CNTLN: variants seen among roughly 807,000 people sequenced by gnomAD.
CNTLN encodes the protein centlein, centrosomal protein.
Under a neutral mutation model 180.0 loss-of-function variants are expected in CNTLN, and 212 were observed. The observed-to-expected ratio is 1.18, with a 90% CI of 1.05 to 1.32. The LOEUF is 1.32. Among genes scored for constraint, CNTLN ranks in the 40% most tolerant of loss-of-function variants. The pLI is 0.00. For synonymous variants in CNTLN, 722 were observed against 563.1 expected, an observed-to-expected ratio of 1.28 and a Z score of -3.99; for missense variants, 2,095 against 1,610.9, an observed-to-expected ratio of 1.30 and a Z score of -5.14.
At chr9:17,182,036 A>G (rs910027849) in intron 2 of CNTLN, among the ~76,000 whole-genome samples, 1 of 152,086 alleles carries the variant, frequency 6.6e-6, no homozygotes, top group Non-Finnish European at 1.5e-5. Context: ...CTGGCTCTCC[A>G]CTTGTCCTTC....
At chr9:17,222,633 C>G (rs1356460284) in intron 2 of CNTLN, among the ~76,000 whole-genome samples, 2 of 152,014 alleles carry the variant, frequency 1.3e-5, no homozygotes, top group Non-Finnish European at 2.9e-5. Context: ...ACTGTAAGTC[C>G]AAGTAAACCT....
chr9:17,497,481 C>G (rs1419798816), intron 25 of CNTLN, among the ~76,000 whole-genome samples: 2 of 152,192 alleles, frequency 1.3e-5, no homozygotes, highest in Non-Finnish European at 2.9e-5. Context: ...TACCAAGCAT[C>G]TCCCCAACCC....
chr9:17,175,072 T>C (rs943100396), intron 2 of CNTLN, among the ~76,000 whole-genome samples: 2 of 152,214 alleles, frequency 1.3e-5, no homozygotes, highest in Non-Finnish European at 2.9e-5. Flanking sequence ...TTTGCAAATA[T>C]TGTCTCCCAG....
chr9:17,222,073 A>T (rs958531085), intron 2 of CNTLN, among the ~76,000 whole-genome samples: 6 of 152,014 alleles, frequency 3.9e-5, no homozygotes, highest in Admixed American at 3.9e-4. Context: ...GCCCTGGATC[A>T]TTCCTGTCAG....
At chr9:17,300,494 G>C (rs1222918073) in intron 7 of CNTLN, 2 of 152,196 alleles carry the variant, frequency 1.3e-5, no homozygotes, top group African/African-American at 2.4e-5. Context: ...TACAGGTGCA[G>C]AATTCGACTA....
intron 23 of CNTLN, among the ~76,000 whole-genome samples, chr9:17,480,934 G>A (rs900380968): frequency 6.6e-5 from 10 of 152,166 alleles, no homozygotes; most frequent in African/African-American, 2.4e-4. Flanking sequence ...TAAGCTATGT[G>A]TGTAATACAC....
At chr9:17,312,745 T>C (rs1236174948) in intron 8 of CNTLN, among the ~76,000 whole-genome samples, 1 of 151,996 alleles carries the variant, frequency 6.6e-6, no homozygotes, top group Non-Finnish European at 1.5e-5. Flanking sequence ...GCCAAGCATA[T>C]TGTTTTGGTG....
chr9:17,327,223 T>TG (rs1356691844), intron 8 of CNTLN, among the ~76,000 whole-genome samples: 1 of 149,104 alleles, frequency 6.7e-6, no homozygotes, highest in African/African-American at 2.5e-5. Context: ...CTTTTTTTTT[T>TG]TTTTTTTTGA....
At chr9:17,324,513 C>T (rs564428673) in intron 8 of CNTLN, among the ~76,000 whole-genome samples, 2 of 152,042 alleles carry the variant, frequency 1.3e-5, no homozygotes, top group Non-Finnish European at 2.9e-5. Flanking sequence ...TCTAAACCCT[C>T]TTGTGTGACA....
chr9:17,400,105 T>C (rs1826853438), intron 15 of CNTLN, among the ~76,000 whole-genome samples: 1 of 152,126 alleles, frequency 6.6e-6, no homozygotes, highest in South Asian at 2.1e-4. Context: ...AAAAGAAACA[T>C]ATTTTTTCTC....
At chr9:17,337,558 A>G (rs1453045520) in intron 10 of CNTLN, among the ~76,000 whole-genome samples, 1 of 152,234 alleles carries the variant, frequency 6.6e-6, no homozygotes, top group African/African-American at 2.4e-5. Context: ...CACTGCTTTT[A>G]TTAATTAAAG....
intron 23 of CNTLN, among the ~76,000 whole-genome samples, chr9:17,471,405 A>C (rs1363385942): frequency 6.6e-6 from 1 of 152,078 alleles, no homozygotes; most frequent in African/African-American, 2.4e-5. Context: ...GTGGCTGGTT[A>C]CAATAAATTA....
chr9:17,236,777 T>G (rs1002407279), intron 5 of CNTLN, among the ~76,000 whole-genome samples, 189 bp downstream of exon 5: 4 of 152,188 alleles, frequency 2.6e-5, no homozygotes, highest in East Asian at 1.9e-4. Flanking sequence ...GAAACTGACT[T>G]CAAATGGTTA....
chr9:17,525,119 C>T, the CNTLN span, among the ~76,000 whole-genome samples: 1 of 152,154 alleles, frequency 6.6e-6, no homozygotes, highest in Non-Finnish European at 1.5e-5. Context: ...AAATGAGGCT[C>T]AGCTGCTAAC....
intron 5 of CNTLN, among the ~76,000 whole-genome samples, chr9:17,238,329 A>G (rs1362231250): frequency 6.6e-6 from 1 of 152,094 alleles, no homozygotes; most frequent in African/African-American, 2.4e-5. Flanking sequence ...TCTTTAATCT[A>G]TTCATAATTT....
At chr9:17,480,326 A>G (rs1832577499) in intron 23 of CNTLN, among the ~76,000 whole-genome samples, 1 of 150,010 alleles carries the variant, frequency 6.7e-6, no homozygotes, top group African/African-American at 2.5e-5. Flanking sequence ...AAAAGAAGAT[A>G]TAGCAATATT....
chr9:17,370,721 A>C (rs1038241816), intron 13 of CNTLN, among the ~76,000 whole-genome samples: 2 of 152,226 alleles, frequency 1.3e-5, no homozygotes, highest in African/African-American at 4.8e-5. Context: ...AAGATGAGCC[A>C]ATCAAAAAAT....
Position 17,221,153 on chromosome 9 carries a change from T to C in CNTLN, c.450-5050T>C, listed in dbSNP as rs1824108700. Among the ~76,000 whole-genome samples, 3 of 152,136 alleles carry C rather than the reference T, an allele frequency of 2.0e-5. No homozygotes were observed. The South Asian group carries it at 6.2e-4, about 32-fold the overall frequency. Reference sequence around the variant, plus strand: ...CTAATGTATATACCTCTAATAGATTTAGTATTCTTTTGCAGTACTTCTGAT... The same window carrying C: ...CTAATGTATATACCTCTAATAGATTCAGTATTCTTTTGCAGTACTTCTGAT... On this transcript the variant is annotated intron_variant, in intron 2 of 25. Coordinates refer to ENST00000380647, the MANE Select transcript of CNTLN (RefSeq NM_017738.4).
At chr9:17,348,537 T>TTCTTTC in intron 12 of CNTLN, among the ~76,000 whole-genome samples, 1 of 151,194 alleles carries the variant, frequency 6.6e-6, no homozygotes, top group African/African-American at 2.4e-5. Flanking sequence ...TCTTTCTTTT[T>TTCTTTC]TTTTTTTTTT....
Sources: allele counts gnomAD v4.1 joint callset (sites outside exome capture counted in the v4.1 genomes callset), GRCh38; gene constraint gnomAD v4.1.1; transcripts MANE v1.5; gene names NCBI Gene and HGNC (gene_info 2026-07-23, HGNC 2026-07-21).